Variants in TNXB observed in about 807,000 individuals in gnomAD.
TNXB encodes the protein tenascin-X.
Under a neutral mutation model 340.5 loss-of-function variants are expected in TNXB, and 183 were observed. The ratio of observed to expected loss-of-function variants is 0.54; its 90% confidence interval spans 0.48 to 0.61. TNXB has a LOEUF of 0.61. TNXB is among the 20% of genes least tolerant of loss of function. The pLI is 0.00. For synonymous variants in TNXB, 2,121 were observed against 2,314.5 expected, an observed-to-expected ratio of 0.92 and a Z score of 2.40; for missense variants, 4,613 against 5,446.4, an observed-to-expected ratio of 0.85 and a Z score of 4.82.
Position 32,068,841 on chromosome 6 carries a change from G to C in TNXB, c.5883C>G (p.Val1961=). Reference sequence around the variant, plus strand: ...TCTCACCTGTCAGGGCCTCGACATGGACAGGACCTACATGCTTCCCATCAC... The same window carrying C: ...TCTCACCTGTCAGGGCCTCGACATGCACAGGACCTACATGCTTCCCATCAC... The part of the protein sequence containing the change: ...GFSDGKHVGP[V]HVEALTVPEE... Residue 1961 remains valine (V), a synonymous_variant, in exon 16 of 44, where the codon GTC becomes GTG. Transcript: ENST00000644971. This position sits in a 1 kb window ranked among gnomAD's most constrained non-coding sequence, Gnocchi z 5.3. The C allele has an allele frequency of 6.2e-7, 1 of 1,609,288 alleles. No individual in the cohort carries two copies. The highest frequency in any genetic ancestry group is 2.2e-5 in the East Asian group (1 of 44,808).
chr6:32,081,688 A>C lies in TNXB; in HGVS notation c.3737-15T>G. Reference sequence around the variant, plus strand: ...CCTCTCTGGAGCTGTAAACAAGGAGATCCAGCCAGGTGCTGAACTGGCAGC... The same window carrying C: ...CCTCTCTGGAGCTGTAAACAAGGAGCTCCAGCCAGGTGCTGAACTGGCAGC... On this transcript the variant is annotated splice_polypyrimidine_tract_variant and intron_variant, in intron 9 of 43. Coordinates refer to ENST00000644971, the MANE Select transcript of TNXB (RefSeq NM_001365276.2). The surrounding 1 kb of genome is among the most constrained non-coding windows in gnomAD (Gnocchi z 5.1). 6.5e-7 allele frequency: 1 copy of C among 1,548,132 alleles called. No homozygotes were observed. Among genetic ancestry groups the C allele is most frequent in the Admixed American group, 1.9e-5 (1 of 53,858 alleles).
At position 32,053,505 on chromosome 6, in the gene TNXB, C is replaced by T. The variant is rs369731438; in HGVS notation, c.8674G>A (p.Gly2892Arg). 4.3e-6 allele frequency: 7 copies of T among 1,613,434 alleles called. No homozygotes were observed. Among genetic ancestry groups the T allele is most frequent in the Non-Finnish European group, 5.9e-6 (7 of 1,179,892 alleles). ...DGQPKVVRVP[G>R]HEDGVTISGL... ...GAGATGGTGACCCCGTCCTCGTGCC[C>T]CGGCACCCGCACCACCTTGGGCTGC... The change falls in exon 25 of 44, where the codon GGG becomes AGG. Residue 2892 changes from glycine to arginine, a missense_variant. Physicochemically the swap from Gly to Arg is moderately radical, Grantham distance 125. Around this residue, in one of 7 missense-constraint regions of TNXB, gnomAD observed 4,327 missense variants for 4,859.4 expected, o/e 0.89. Transcript: ENST00000644971.
intron 6 of TNXB, among the ~76,000 whole-genome samples, chr6:32,086,581 G>T (rs1406439535): frequency 2.0e-5 from 3 of 152,126 alleles, no homozygotes; most frequent in Admixed American, 1.3e-4. Flanking sequence ...AGGTCAGGTG[G>T]CATCTGGGCC....
At position 32,046,317 on chromosome 6, in the gene TNXB, C is replaced by A; in HGVS notation, c.10464G>T (p.Gly3488=). 1.2e-6 allele frequency: 2 copies of A among 1,606,728 alleles called. No homozygotes were observed. The highest frequency in any genetic ancestry group is 1.7e-6 in the Non-Finnish European group (2 of 1,178,146). ...SFVVQYRDTD[G]QPRAVPVAAD... Reference sequence around the variant, plus strand: ...CGGCCACAGGCACTGCCCTGGGCTGCCCGTCCGTGTCCCTGTACTGGACCA... The same window carrying A: ...CGGCCACAGGCACTGCCCTGGGCTGACCGTCCGTGTCCCTGTACTGGACCA... Residue 3488 remains glycine (G), a synonymous_variant, in exon 31 of 44, where the codon GGG becomes GGT. Transcript: ENST00000644971. The surrounding 1 kb of genome is among the most constrained non-coding windows in gnomAD (Gnocchi z 6.9).
Position 32,081,481 on chromosome 6 carries a change from T to C in TNXB, c.3929A>G (p.Asp1310Gly), listed in dbSNP as rs1779430602. The change falls in exon 10 of 44, where the codon GAT becomes GGT. Residue 1310 changes from aspartate (D) to glycine (G), a missense_variant. Coordinates refer to ENST00000644971, the MANE Select transcript of TNXB (RefSeq NM_001365276.2). The surrounding 1 kb of genome is among the most constrained non-coding windows in gnomAD (Gnocchi z 5.1). ...GQPQAVPVAGDENEVTVPGLD... is the reference protein window; with the variant it reads ...GQPQAVPVAGGENEVTVPGLD... Reference sequence around the variant, plus strand: ...GCCGGGGACAGTAACCTCATTCTCATCCCCCGCAACAGGCACTGCCTGGGG... The same window carrying C: ...GCCGGGGACAGTAACCTCATTCTCACCCCCCGCAACAGGCACTGCCTGGGG... 1.2e-6 allele frequency: 2 copies of C among 1,603,622 alleles called. No individual in the cohort carries two copies. Among genetic ancestry groups the C allele is most frequent in the Non-Finnish European group, 1.7e-6 (2 of 1,175,226 alleles).
At chr6:32,094,562 C>G (rs1780228981) in intron 4 of TNXB, among the ~76,000 whole-genome samples, 1 of 152,066 alleles carries the variant, frequency 6.6e-6, no homozygotes, top group Non-Finnish European at 1.5e-5. Flanking sequence ...ATGAAAAAAG[C>G]AAGAATCACA....
intron 24 of TNXB, 60 bp downstream of exon 24, chr6:32,055,768 CTGGTGAGAATATTTTTGTTTTCA>C: frequency 3.3e-6 from 5 of 1,533,870 alleles, no homozygotes; most frequent in Non-Finnish European, 4.4e-6. Context: ...AGAAGCCCGG[CTGGTGAGAATATTTTTGTTTTCA>C]TGAAGTTGCA....
chr6:32,043,592 G>T lies in TNXB; in HGVS notation c.11531-36C>A, dbSNP rs71565305. On this transcript the variant is annotated intron_variant, in intron 35 of 43. Transcript: ENST00000644971. ...GGGAGGGGCTCAGAAGGGTCCCCGC[G>T]GCTCTCTCTACTCCGTGCCTCCCCA... 0.11 allele frequency: 127,011 copies of T among 1,197,180 alleles called. 8,890 individuals carry two copies. The highest frequency in any genetic ancestry group is 0.24 in the South Asian group (19,755 of 81,754). The allele number at this position is 1,197,180 out of a possible 1,614,324, so 74.2% of individuals were successfully genotyped here.
rs1023321843 is a variant in TNXB, at chr6:32,075,804, A to G, written c.4376-1852T>C. ...ACTCCCGCATGAGGAAGCACTCATT[A>G]GTGAGCAAACTAGAAGGTGGTCCCA... is the stretch of plus-strand genomic sequence containing the variant. On this transcript the variant is annotated intron_variant, in intron 11 of 43. Coordinates refer to ENST00000644971, the MANE Select transcript of TNXB (RefSeq NM_001365276.2). This position sits in a 1 kb window ranked among gnomAD's most constrained non-coding sequence, Gnocchi z 4.6. Among the ~76,000 whole-genome samples, 5 of 152,242 alleles carry G rather than the reference A, an allele frequency of 3.3e-5. No homozygotes were observed. Among genetic ancestry groups the G allele is most frequent in the African/African-American group, 1.2e-4 (5 of 41,460 alleles).
chr6:32,100,618 T>C lies in TNXB; in HGVS notation c.-8-2412A>G, dbSNP rs1368996306. 3.3e-5 allele frequency among the ~76,000 whole-genome samples: 5 copies of C among 152,052 alleles called. No individual in the cohort carries two copies. The East Asian group carries it at 7.7e-4, about 24-fold the overall frequency. On this transcript the variant is annotated intron_variant, in intron 1 of 43. Coordinates refer to ENST00000644971, the MANE Select transcript of TNXB (RefSeq NM_001365276.2). ...GTGGTACACCTGTAGTCCCAGCTAC[T>C]CAGGGGCTGAGGTGGGAGGATTACT...
rs1209499595 is a variant in TNXB, at chr6:32,089,625, T to A, written c.2359-246A>T. 1.3e-5 allele frequency among the ~76,000 whole-genome samples: 2 copies of A among 152,082 alleles called. No homozygotes were observed. The highest frequency in any genetic ancestry group is 2.9e-5 in the Non-Finnish European group (2 of 68,010). On this transcript the variant is annotated intron_variant, in intron 4 of 43. Transcript: ENST00000644971. The surrounding 1 kb of genome is among the most constrained non-coding windows in gnomAD (Gnocchi z 6.2). ...AACCCTACGAAACAGGTCCTATTAG[T>A]CCCATTTTACAGATAAGGAAACTGA...
At chr6:32,063,106 G>C (rs1359086526) in intron 19 of TNXB, among the ~76,000 whole-genome samples, 2 of 151,144 alleles carry the variant, frequency 1.3e-5, no homozygotes, top group African/African-American at 4.9e-5. Flanking sequence ...CAGCAATCAG[G>C]GCCAGGCGTG....
rs1778041109 is a variant in TNXB, at chr6:32,061,919, G to A, written c.7169-199C>T. On this transcript the variant is annotated intron_variant, in intron 20 of 43. Transcript: ENST00000644971. The surrounding 1 kb of genome is among the most constrained non-coding windows in gnomAD (Gnocchi z 4.4). ...AGCTAACACACATGACAAATTCCAG[G>A]GTCAGCTGTGGGGGACCTGGCACAG... 6.6e-6 allele frequency among the ~76,000 whole-genome samples: 1 copy of A among 152,116 alleles called. No homozygotes were observed. Among genetic ancestry groups the A allele is most frequent in the South Asian group, 2.1e-4 (1 of 4,828 alleles).
chr6:32,048,080 G>T, intron 29 of TNXB, 68 bp from the exon 30 acceptor site: 1 of 1,536,352 alleles, frequency 6.5e-7, no homozygotes, highest in Non-Finnish European at 8.8e-7. Flanking sequence ...TTCCTGGGCT[G>T]CTATGGCTCT....
Position 32,067,991 on chromosome 6 carries a change from A to G in TNXB, c.6221-7T>C. 1.9e-6 allele frequency: 3 copies of G among 1,608,796 alleles called. No individual in the cohort carries two copies. The highest frequency in any genetic ancestry group is 2.5e-6 in the Non-Finnish European group (3 of 1,177,166). On this transcript the variant is annotated splice_polypyrimidine_tract_variant and splice_region_variant and intron_variant, in intron 17 of 43. Transcript: ENST00000644971. This position sits in a 1 kb window ranked among gnomAD's most constrained non-coding sequence, Gnocchi z 4.2. ...GGGGTCTCTTCCTCTGCAGCTGAGAAGGAGGAAGAGAGAGTGAGGGGGATG... is the reference window on the plus strand; with the variant it reads ...GGGGTCTCTTCCTCTGCAGCTGAGAGGGAGGAAGAGAGAGTGAGGGGGATG...
Position 32,085,688 on chromosome 6 carries a change from C to A in TNXB, c.3148+62G>T. The A allele has an allele frequency of 6.8e-7, 1 of 1,470,480 alleles. No individual in the cohort carries two copies. Among genetic ancestry groups the A allele is most frequent in the Non-Finnish European group, 9.0e-7 (1 of 1,109,668 alleles). 91.1% of individuals were successfully genotyped at this position (1,470,480 alleles called of 1,614,324 possible). A position where few individuals can be genotyped will look rare whatever the true frequency, so the allele number is the denominator to read the frequency against. ...CAATATCCATCCTACCTCTGAAGTC[C>A]CAATAACCCCAGCTCCTCCCCCAAT... is the stretch of plus-strand genomic sequence containing the variant. On this transcript the variant is annotated intron_variant, in intron 7 of 43. Coordinates refer to ENST00000644971, the MANE Select transcript of TNXB (RefSeq NM_001365276.2). The surrounding 1 kb of genome is among the most constrained non-coding windows in gnomAD (Gnocchi z 6.4).
intron 18 of TNXB, among the ~76,000 whole-genome samples, chr6:32,065,981 A>T (rs1778315202): frequency 6.6e-6 from 1 of 152,174 alleles, no homozygotes; most frequent in Non-Finnish European, 1.5e-5. Context: ...TAATTTTTTT[A>T]AAAAGAGATA....
In TNXB at chr6:32,064,818, C is replaced by T; in HGVS notation, c.6841+3G>A. On this transcript the variant is annotated splice_donor_region_variant and intron_variant, in intron 19 of 43. Coordinates refer to ENST00000644971, the MANE Select transcript of TNXB (RefSeq NM_001365276.2). This position sits in a 1 kb window ranked among gnomAD's most constrained non-coding sequence, Gnocchi z 5.3. ...AGGGCCCAGTGCCCTACTGCACACT[C>T]ACCAGTTAAACCAACAGCAGACACG... 1.9e-6 allele frequency: 3 copies of T among 1,609,414 alleles called. No individual in the cohort carries two copies. The highest frequency in any genetic ancestry group is 2.5e-6 in the Non-Finnish European group (3 of 1,178,778).
Position 32,052,521 on chromosome 6 carries a change from A to C in TNXB, c.9115+149T>G, listed in dbSNP as rs1777342402. On this transcript the variant is annotated intron_variant, in intron 26 of 43. Transcript: ENST00000644971. This position sits in a 1 kb window ranked among gnomAD's most constrained non-coding sequence, Gnocchi z 4.7. Reference sequence around the variant, plus strand: ...TCTTGCCCTAGGCCAAGCCTGCTGAATCCAAATCTGCTTTTTAACAAAAAT... The same window carrying C: ...TCTTGCCCTAGGCCAAGCCTGCTGACTCCAAATCTGCTTTTTAACAAAAAT... 8.9e-7 allele frequency: 1 copy of C among 1,124,106 alleles called. No individual in the cohort carries two copies. Among genetic ancestry groups the C allele is most frequent in the African/African-American group, 1.6e-5 (1 of 63,862 alleles). 69.6% of individuals were successfully genotyped at this position (1,124,106 alleles called of 1,614,324 possible). A position where few individuals can be genotyped will look rare whatever the true frequency, so the allele number is the denominator to read the frequency against.
Sources: gnomAD v4.1 joint callset for allele counts (sites outside exome capture counted in the v4.1 genomes callset) on GRCh38, gnomAD v4.1.1 for gene constraint, gnomAD v4.1.1 regional missense constraint, Gnocchi (gnomAD v3.1) non-coding constraint, MANE v1.5 for transcripts, NCBI Gene and HGNC (gene_info 2026-07-23, HGNC 2026-07-21) for gene names.